The following SAMD4A variants were observed in gnomAD, a reference collection of about 807,000 sequenced individuals.
The protein encoded by SAMD4A is protein Smaug homolog 1.
SAMD4A carries 33 observed loss-of-function variants against 81.3 expected under a neutral mutation model. That is an observed-to-expected ratio of 0.41 (90% CI 0.31 to 0.54). The LOEUF is 0.54. Ranked by LOEUF, SAMD4A falls within the 20% of genes least tolerant of loss-of-function variation. SAMD4A has a pLI of 0.37. For missense variants in SAMD4A, 854 were observed against 951.1 expected (o/e 0.90, Z 1.34); for synonymous variants, 389 against 382.1 (o/e 1.02, Z -0.21).
chr14:54,725,280 A>C (rs980619238), intron 3 of SAMD4A, among the ~76,000 whole-genome samples: 6 of 152,260 alleles, frequency 3.9e-5, no homozygotes, highest in African/African-American at 1.4e-4. Context: ...GGGCACTGAA[A>C]TTTAGTGGAA....
chr14:54,617,617 T>C (rs536675590), intron 2 of SAMD4A, among the ~76,000 whole-genome samples: 3 of 152,360 alleles, frequency 2.0e-5, no homozygotes, highest in African/African-American at 7.2e-5. Context: ...TGCAGTCAGT[T>C]TGATGAGTCA....
chr14:54,782,422 C>T (rs1351751954), intron 11 of SAMD4A, among the ~76,000 whole-genome samples: 5 of 151,780 alleles, frequency 3.3e-5, no homozygotes, highest in African/African-American at 1.2e-4. Context: ...CTAATTTTTG[C>T]ATGCATATGA....
intron 11 of SAMD4A, among the ~76,000 whole-genome samples, chr14:54,778,747 A>G (rs975575357): frequency 1.3e-5 from 2 of 152,168 alleles, no homozygotes; most frequent in African/African-American, 4.8e-5. Flanking sequence ...TTGCAAATAA[A>G]CCATTGAACG....
chr14:54,628,741 T>C (rs1023544112), intron 2 of SAMD4A, among the ~76,000 whole-genome samples: 3 of 152,196 alleles, frequency 2.0e-5, no homozygotes, highest in Non-Finnish European at 4.4e-5. Context: ...ACTGAGGCAC[T>C]GGGAAGTTAA....
chr14:54,742,978 T>G (rs536282049), intron 4 of SAMD4A, among the ~76,000 whole-genome samples: 1 of 152,298 alleles, frequency 6.6e-6, no homozygotes, highest in African/African-American at 2.4e-5. Context: ...AATAGCGGGT[T>G]TGGGGTTTTC....
intron 3 of SAMD4A, among the ~76,000 whole-genome samples, chr14:54,712,978 G>A (rs769988010): frequency 1.8e-4 from 27 of 152,244 alleles, no homozygotes; most frequent in African/African-American, 3.4e-4. Context: ...GAACAGGATG[G>A]CTTCTGTAAG....
rs149729986 is a variant in SAMD4A at position 54,789,022 on chromosome 14, A to G, written c.*78A>G. 538 of 1,514,256 alleles carry G rather than the reference A, an allele frequency of 3.6e-4. 3 individuals carry two copies. In the East Asian group the frequency reaches 0.012, roughly 34 times the overall value. The allele number at this position is 1,514,256 out of a possible 1,614,324, so 93.8% of individuals were successfully genotyped here. The stretch of plus-strand genomic sequence containing the variant: ...CAGTGTCCGCCATCTTCAGGGTTGC[A>G]CAGAATCCTCCAAGATACTTTGCAG... On this transcript the variant is annotated 3_prime_UTR_variant, in exon 13 of 13. Coordinates refer to ENST00000554335, the MANE Select transcript of SAMD4A (RefSeq NM_015589.6).
In SAMD4A at chr14:54,791,102, C is replaced by A. The variant is rs147388096; in HGVS notation, c.*2158C>A. 6.6e-6 allele frequency: 1 copy of A among 152,282 alleles called. No individual in the cohort carries two copies. The highest frequency in any genetic ancestry group is 2.4e-5 in the African/African-American group (1 of 41,546). 9.4% of individuals were successfully genotyped at this position (152,282 alleles called of 1,614,324 possible). A position where few individuals can be genotyped will look rare whatever the true frequency, so the allele number is the denominator to read the frequency against. On this transcript the variant is annotated 3_prime_UTR_variant, in exon 13 of 13. Coordinates refer to ENST00000554335, the MANE Select transcript of SAMD4A (RefSeq NM_015589.6). ...TTAACCAAGTGCCATTAACATTCAT[C>A]CCCCACATCCCTTTTCTAAACAAGC...
chr14:54,639,090 C>A (rs2035104705), intron 2 of SAMD4A, among the ~76,000 whole-genome samples: 1 of 152,190 alleles, frequency 6.6e-6, no homozygotes, highest in African/African-American at 2.4e-5. Context: ...TGGACCATGC[C>A]ATTTGGTACT....
At chr14:54,606,053 T>C (rs1285562117) in intron 2 of SAMD4A, among the ~76,000 whole-genome samples, 1 of 152,164 alleles carries the variant, frequency 6.6e-6, no homozygotes, top group Non-Finnish European at 1.5e-5. Context: ...CTTCAGGTTG[T>C]TCTAAGTACT....
intron 2 of SAMD4A, among the ~76,000 whole-genome samples, chr14:54,599,838 GTCAA>G (rs779177224): frequency 2.0e-5 from 3 of 152,098 alleles, no homozygotes; most frequent in Admixed American, 6.5e-5. Flanking sequence ...CATATTACAG[GTCAA>G]TCAATTGGGT....
chr14:54,673,331 G>T lies in SAMD4A; in HGVS notation c.197-28731G>T, dbSNP rs369962016. ...TTTAATATATTATGTAAGAAAGAAT[G>T]AGATCATATAAATAGTCCTGGCTCC... On this transcript the variant is annotated intron_variant, in intron 2 of 12. Transcript: ENST00000554335. Among the ~76,000 whole-genome samples, 6 of 152,208 alleles carry T rather than the reference G, an allele frequency of 3.9e-5. No homozygotes were observed. In the East Asian group the frequency reaches 5.8e-4, roughly 15 times the overall value.
chr14:54,775,055 C>T lies in SAMD4A; in HGVS notation c.1837C>T (p.Leu613Phe), dbSNP rs767695949. 1 of 1,614,178 alleles carries T rather than the reference C, an allele frequency of 6.2e-7. No individual in the cohort carries two copies. Among genetic ancestry groups the T allele is most frequent in the South Asian group, 1.1e-5 (1 of 91,082 alleles). The change falls in exon 10 of 13, where the codon CTC (leucine) becomes TTC (phenylalanine). Residue 613 changes from leucine to phenylalanine, a missense_variant. Leu to Phe is a conservative substitution (Grantham distance 22, BLOSUM62 0). Around this residue, in one of 3 missense-constraint regions of SAMD4A, gnomAD observed 428 missense variants for 471.2 expected, o/e 0.91. Coordinates refer to ENST00000554335, the MANE Select transcript of SAMD4A (RefSeq NM_015589.6). The part of the protein sequence containing the change: ...SRNVPSARLG[L>F]LGTSGFVSSN... ...GAACGTCCCTTCCGCCCGCCTGGGC[C>T]TCTTGGGCACCAGTGGATTCGTCAG...
chr14:54,586,907 G>A (rs2033638186), intron 2 of SAMD4A, among the ~76,000 whole-genome samples: 1 of 152,070 alleles, frequency 6.6e-6, no homozygotes, highest in Non-Finnish European at 1.5e-5. Flanking sequence ...CTTTGGCTAT[G>A]TGGGCTCTTT....
At chr14:54,759,141 T>C (rs1270953607) in intron 6 of SAMD4A, among the ~76,000 whole-genome samples, 2 of 152,216 alleles carry the variant, frequency 1.3e-5, no homozygotes, top group Non-Finnish European at 2.9e-5. Context: ...ATACAACACA[T>C]AAAGACATAT....
chr14:54,631,519 A>G lies in SAMD4A; in HGVS notation c.196+63407A>G, dbSNP rs545064182. Among the ~76,000 whole-genome samples the G allele has an allele frequency of 3.9e-5, 6 of 152,290 alleles. No homozygotes were observed. In the South Asian group the frequency reaches 1.2e-3, roughly 32 times the overall value. ...ATTGAGCTCATTCCTTTTCATGTGA[A>G]GGTATAACAAGACAAAGCAACTTTG... On this transcript the variant is annotated intron_variant, in intron 2 of 12. Coordinates refer to ENST00000554335, the MANE Select transcript of SAMD4A (RefSeq NM_015589.6).
chr14:54,654,044 G>A (rs2035465684), intron 2 of SAMD4A, among the ~76,000 whole-genome samples: 1 of 152,242 alleles, frequency 6.6e-6, no homozygotes, highest in Non-Finnish European at 1.5e-5. Flanking sequence ...AAACGATGGA[G>A]TACAATGGTA....
chr14:54,685,708 T>C (rs1302682169), intron 2 of SAMD4A: 1 of 456,684 alleles, frequency 2.2e-6, no homozygotes, highest in African/African-American at 2.0e-5. Context: ...TCCCCATGGT[T>C]GGGAGTGGTG....
In SAMD4A at chr14:54,769,970, G is replaced by A. The variant is rs749420265; in HGVS notation, c.1597-134G>A. ...GCAGCTCCCAAATTAAACTGACTAC[G>A]TTTGGACCAGGTTAGAAACAGGTGA... On this transcript the variant is annotated intron_variant, in intron 8 of 12. Transcript: ENST00000554335. 33 of 643,670 alleles carry A rather than the reference G, an allele frequency of 5.1e-5. 1 individual carries two copies. In the Middle Eastern group the frequency reaches 4.1e-3, roughly 80 times the overall value. The allele number at this position is 643,670 out of a possible 1,614,324, so 39.9% of individuals were successfully genotyped here. A position where few individuals can be genotyped will look rare whatever the true frequency, so the allele number is the denominator to read the frequency against.
Sources: gnomAD v4.1 joint callset for allele counts (sites outside exome capture counted in the v4.1 genomes callset) on GRCh38, gnomAD v4.1.1 for gene constraint, gnomAD v4.1.1 regional missense constraint, MANE v1.5 for transcripts, NCBI Gene and HGNC (gene_info 2026-07-23, HGNC 2026-07-21) for gene names.